ARNT2: variants seen among roughly 807,000 people sequenced by gnomAD.
ARNT2 encodes the protein aryl hydrocarbon receptor nuclear translocator 2, also known as ARNT protein 2.
A neutral mutation model predicts 91.7 loss-of-function variants in ARNT2; 36 were observed. That is an observed-to-expected ratio of 0.39 (90% CI 0.30 to 0.52). ARNT2 has a LOEUF of 0.52. Among genes scored for constraint, ARNT2 ranks in the 20% least tolerant of loss-of-function variants. ARNT2 has a pLI of 0.72. For synonymous variants in ARNT2, 365 were observed against 347.1 expected (o/e 1.05, Z -0.57); for missense variants, 775 against 939.3 (o/e 0.83, Z 2.29).
chr15:80,427,252 G>T (rs997411023), intron 1 of ARNT2, among the ~76,000 whole-genome samples: 1 of 152,188 alleles, frequency 6.6e-6, no homozygotes, highest in Non-Finnish European at 1.5e-5. Context: ...GGCTGTGTGA[G>T]TGGGGTTTGT....
chr15:80,469,336 G>T (rs1896701634), intron 3 of ARNT2, among the ~76,000 whole-genome samples: 1 of 151,846 alleles, frequency 6.6e-6, no homozygotes, highest in Non-Finnish European at 1.5e-5. Flanking sequence ...ATAAGCCAGG[G>T]GTGTACCTGT....
rs1403831905 is a variant in ARNT2, at chr15:80,447,210, T to A, written c.32-3670T>A. On this transcript the variant is annotated intron_variant, in intron 1 of 18. Coordinates refer to ENST00000303329, the MANE Select transcript of ARNT2 (RefSeq NM_014862.4). ...CAGCAAGGGAGAAGCTATGTCTGTG[T>A]TAGGTCCAGGACAGTGGGGAGTGTG... Among the ~76,000 whole-genome samples, 11 of 152,216 alleles carry A rather than the reference T, an allele frequency of 7.2e-5. No individual in the cohort carries two copies. In the East Asian group the frequency reaches 1.9e-3, roughly 27 times the overall value.
chr15:80,417,012 T>TA lies in ARNT2; in HGVS notation c.31+12475dup, dbSNP rs1008774764. On this transcript the variant is annotated intron_variant, in intron 1 of 18. Coordinates refer to ENST00000303329, the MANE Select transcript of ARNT2 (RefSeq NM_014862.4). ...TTGAGTACAGGTCCCAGGGGTTTTTTAAAAAAAAATTGTAACATTAACACT... is the reference window on the plus strand; with the variant it reads ...TTGAGTACAGGTCCCAGGGGTTTTTTAAAAAAAAAATTGTAACATTAACACT... Among the ~76,000 whole-genome samples the TA allele has an allele frequency of 8.6e-5, 13 of 151,816 alleles. No homozygotes were observed. In the South Asian group the frequency reaches 1.3e-3, roughly 15 times the overall value.
At chr15:80,405,173 A>G (rs1314742814) in intron 1 of ARNT2, among the ~76,000 whole-genome samples, 2 of 152,232 alleles carry the variant, frequency 1.3e-5, no homozygotes, top group Non-Finnish European at 2.9e-5. Flanking sequence ...ACCTGTCCCC[A>G]GGGTGCAGTC....
intron 1 of ARNT2, among the ~76,000 whole-genome samples, chr15:80,432,539 T>C (rs775787135): frequency 7.9e-5 from 12 of 152,196 alleles, no homozygotes; most frequent in Non-Finnish European, 4.4e-5. Context: ...TACGGTTGCT[T>C]TTGTACCATA....
chr15:80,493,815 G>A (rs1245829476), intron 5 of ARNT2, among the ~76,000 whole-genome samples: 1 of 152,146 alleles, frequency 6.6e-6, no homozygotes, highest in Non-Finnish European at 1.5e-5. Context: ...GGCCTGGTGG[G>A]AGATATTCGG....
intron 1 of ARNT2, among the ~76,000 whole-genome samples, chr15:80,423,540 T>C (rs994390416): frequency 1.3e-5 from 2 of 152,258 alleles, no homozygotes; most frequent in African/African-American, 4.8e-5. Context: ...AAGGTTGAGC[T>C]ATATGTATCT....
intron 5 of ARNT2, among the ~76,000 whole-genome samples, chr15:80,497,397 C>T (rs1196507528): frequency 5.9e-5 from 9 of 152,274 alleles, no homozygotes; most frequent in Non-Finnish European, 1.3e-4. Context: ...TGAGCAGCCT[C>T]CTAACATGGC....
chr15:80,475,733 G>T (rs1434951517), intron 5 of ARNT2, among the ~76,000 whole-genome samples: 1 of 152,066 alleles, frequency 6.6e-6, no homozygotes, highest in East Asian at 1.9e-4. Context: ...TATTTTACCT[G>T]CAATTAGTAT....
At chr15:80,441,396 G>T in intron 1 of ARNT2, 1 of 984,874 alleles carries the variant, frequency 1.0e-6, no homozygotes, top group Non-Finnish European at 1.2e-6. Context: ...TGTGATATTT[G>T]ATGTGCTTTC....
intron 1 of ARNT2, among the ~76,000 whole-genome samples, chr15:80,442,235 C>T (rs1458358277): frequency 6.6e-6 from 1 of 152,234 alleles, no homozygotes; most frequent in Non-Finnish European, 1.5e-5. Flanking sequence ...TTTTAGGAAA[C>T]GGCATCTTTC....
chr15:80,408,865 ATATT>A (rs967755519), intron 1 of ARNT2, among the ~76,000 whole-genome samples: 85 of 152,306 alleles, frequency 5.6e-4, no homozygotes, highest in African/African-American at 1.8e-3. Flanking sequence ...CCTTCAGTAT[ATATT>A]TATTTTAATT....
At chr15:80,441,937 A>G (rs1896197381) in intron 1 of ARNT2, among the ~76,000 whole-genome samples, 2 of 152,204 alleles carry the variant, frequency 1.3e-5, no homozygotes, top group South Asian at 4.1e-4. Flanking sequence ...TCTGTGTGTA[A>G]TGGGAAACAA....
chr15:80,520,564 A>T (rs762538822), intron 8 of ARNT2, among the ~76,000 whole-genome samples: 10 of 152,000 alleles, frequency 6.6e-5, no homozygotes, highest in East Asian at 3.8e-4. Context: ...ACCACAAAAA[A>T]AAATAAATAA....
chr15:80,441,311 A>G, intron 1 of ARNT2: 1 of 985,180 alleles, frequency 1.0e-6, no homozygotes, highest in Non-Finnish European at 1.2e-6. Flanking sequence ...TTCTACACGG[A>G]TAACAGATTC....
chr15:80,490,307 G>A (rs879873830), intron 5 of ARNT2, among the ~76,000 whole-genome samples: 8 of 152,128 alleles, frequency 5.3e-5, no homozygotes, highest in Non-Finnish European at 1.0e-4. Flanking sequence ...GTCACTGGTC[G>A]CAGGCCTTGA....
At chr15:80,528,366 TTATCTATCTATC>T (rs149942992) in intron 8 of ARNT2, among the ~76,000 whole-genome samples, 334 of 148,878 alleles carry the variant, frequency 2.2e-3, no homozygotes, top group African/African-American at 6.5e-3. Flanking sequence ...ATTTGACCAT[TTATCTATCTATC>T]TATCTATCTA....
chr15:80,469,819 T>G (rs957337147), intron 3 of ARNT2, among the ~76,000 whole-genome samples: 1 of 152,226 alleles, frequency 6.6e-6, no homozygotes, highest in African/African-American at 2.4e-5. Flanking sequence ...TTTACCATGT[T>G]GGTCAGGCTG....
intron 8 of ARNT2, among the ~76,000 whole-genome samples, chr15:80,536,594 T>C (rs186114722): frequency 1.6e-3 from 248 of 152,332 alleles, no homozygotes; most frequent in Non-Finnish European, 2.6e-3. Context: ...CAAGCTGTTC[T>C]TTGTTAGAAA....
Sources: gnomAD v4.1 joint callset for allele counts (sites outside exome capture counted in the v4.1 genomes callset) on GRCh38, gnomAD v4.1.1 for gene constraint, MANE v1.5 for transcripts, NCBI Gene and HGNC (gene_info 2026-07-23, HGNC 2026-07-21) for gene names.